The following SMO variants were observed in gnomAD, a reference collection of about 807,000 sequenced individuals.
SMO encodes protein smoothened.
In SMO, 40 loss-of-function variants were observed where a neutral mutation model predicts 81.6. The ratio of observed to expected loss-of-function variants is 0.49; its 90% CI spans 0.38 to 0.64. The LOEUF (loss-of-function observed/expected upper bound fraction) is 0.64, where lower values mean the gene tolerates loss of function less well. SMO is among the 30% of genes least tolerant of loss of function. SMO has a pLI of 0.00. For synonymous variants in SMO, 434 were observed against 432.1 expected (o/e 1.00, Z -0.05); for missense variants, 916 against 1,061.1 (o/e 0.86, Z 1.90).
chr7:129,191,748 G>A (rs1297525396), intron 1 of SMO, among the ~76,000 whole-genome samples: 1 of 152,132 alleles, frequency 6.6e-6, no homozygotes, highest in Non-Finnish European at 1.5e-5. Flanking sequence ...AGGTGATCTA[G>A]GTTGTCTTCA....
Position 129,212,504 on chromosome 7 carries a change from C to A in SMO, c.*53C>A, listed in dbSNP as rs2150657556. The A allele has an allele frequency of 6.6e-7, 1 of 1,507,614 alleles. No individual in the cohort carries two copies. Among genetic ancestry groups the A allele is most frequent in the South Asian group, 1.2e-5 (1 of 82,878 alleles). The allele number at this position is 1,507,614 out of a possible 1,614,324, so 93.4% of individuals were successfully genotyped here. Reference sequence around the variant, plus strand: ...AAGAGAGGAACCAATACCTTCAAGGCTCTTCTTCCTCACCGAGCATGCTTC... The same window carrying A: ...AAGAGAGGAACCAATACCTTCAAGGATCTTCTTCCTCACCGAGCATGCTTC... On this transcript the variant is annotated 3_prime_UTR_variant, in exon 12 of 12. Coordinates refer to ENST00000249373, the MANE Select transcript of SMO (RefSeq NM_005631.5). This position sits in a 1 kb window ranked among gnomAD's most constrained non-coding sequence, Gnocchi z 5.0.
rs1265681786 is a variant in SMO at position 129,212,360 on chromosome 7, GGGC to G, written c.2274_2276del (p.Trp758_Ala759delinsCys). ...CCCAGTGCACCGGCCCCCGTGGCAT[GGGC>G]TCATGGCCGCCGACAGGGCCTGGGG... On this transcript the variant is annotated inframe_deletion, in exon 12 of 12. Coordinates refer to ENST00000249373, the MANE Select transcript of SMO (RefSeq NM_005631.5). This position sits in a 1 kb window ranked among gnomAD's most constrained non-coding sequence, Gnocchi z 5.0. 4.3e-6 allele frequency: 7 copies of G among 1,614,104 alleles called. No individual in the cohort carries two copies. The highest frequency in any genetic ancestry group is 3.3e-5 in the Admixed American group (2 of 60,036).
chr7:129,194,900 G>A (rs887442450), intron 1 of SMO, among the ~76,000 whole-genome samples: 1 of 151,978 alleles, frequency 6.6e-6, no homozygotes, highest in East Asian at 1.9e-4. Context: ...TCCTGCCTCC[G>A]CCTCCCAGGT....
rs1793808260 is a variant in SMO, at chr7:129,208,367, C to CTCA, written c.1265-391_1265-390insCAT. On this transcript the variant is annotated intron_variant, in intron 6 of 11. Coordinates refer to ENST00000249373, the MANE Select transcript of SMO (RefSeq NM_005631.5). This position sits in a 1 kb window ranked among gnomAD's most constrained non-coding sequence, Gnocchi z 5.2. Reference sequence around the variant, plus strand: ...TTGGGAGGCTGAGGCAGGAGAATTGCTTGAACCTGGGAGGCGGAGTTTACA... The same window carrying CTCA: ...TTGGGAGGCTGAGGCAGGAGAATTGCTCATTGAACCTGGGAGGCGGAGTTTACA... Among the ~76,000 whole-genome samples the CTCA allele has an allele frequency of 2.0e-5, 3 of 152,074 alleles. No homozygotes were observed. The highest frequency in any genetic ancestry group is 1.3e-4 in the Admixed American group (2 of 15,268).
intron 2 of SMO, among the ~76,000 whole-genome samples, chr7:129,203,797 C>T (rs141805188): frequency 6.6e-6 from 1 of 152,118 alleles, no homozygotes; most frequent in Non-Finnish European, 1.5e-5. Context: ...TATCAATGAT[C>T]ACATGTTCAG....
Position 129,210,128 on chromosome 7 carries a change from A to C in SMO, c.1467-235A>C, listed in dbSNP as rs1793845044. The stretch of plus-strand genomic sequence containing the variant: ...AGTGCTGTGGAGCTTAGCCCTTTCT[A>C]AAGTTTTTGGATTGATTGTCTGAGT... On this transcript the variant is annotated intron_variant, in intron 8 of 11. Transcript: ENST00000249373. The surrounding 1 kb of genome is among the most constrained non-coding windows in gnomAD (Gnocchi z 4.7). 2 of 462,328 alleles carry C rather than the reference A, an allele frequency of 4.3e-6. No homozygotes were observed. The allele number at this position is 462,328 out of a possible 1,614,324, so 28.6% of individuals were successfully genotyped here.
intron 8 of SMO, chr7:129,209,633 C>T (rs1181518327): frequency 2.0e-6 from 1 of 508,010 alleles, no homozygotes; most frequent in Non-Finnish European, 3.6e-6. Context: ...GGTTGCCCAG[C>T]TGGTGCATGT....
chr7:129,191,690 G>A (rs565101086), intron 1 of SMO, among the ~76,000 whole-genome samples: 5 of 152,184 alleles, frequency 3.3e-5, no homozygotes, highest in African/African-American at 1.2e-4. Flanking sequence ...CATTAGACAG[G>A]GTCAGTGTTA....
Position 129,212,130 on chromosome 7 carries a change from G to A in SMO, c.2043G>A (p.Glu681=), listed in dbSNP as rs1162220939. ...RKKKRRKRKK[E]VCPLAPPPEL... The stretch of plus-strand genomic sequence containing the variant: ...AGAAGAGGAGGAAGAGGAAGAAGGA[G>A]GTGTGCCCGCTGGCGCCGCCCCCTG... The change falls in exon 12 of 12, where the codon GAG becomes GAA. Residue 681 remains glutamate, a synonymous_variant. Coordinates refer to ENST00000249373, the MANE Select transcript of SMO (RefSeq NM_005631.5). This position sits in a 1 kb window ranked among gnomAD's most constrained non-coding sequence, Gnocchi z 5.0. 6.4e-7 allele frequency: 1 copy of A among 1,564,456 alleles called. No homozygotes were observed. Among genetic ancestry groups the A allele is most frequent in the Admixed American group, 1.9e-5 (1 of 52,820 alleles).
chr7:129,199,667 C>CTGAA (rs1793639796), intron 1 of SMO, among the ~76,000 whole-genome samples: 1 of 151,936 alleles, frequency 6.6e-6, no homozygotes, highest in South Asian at 2.1e-4. Context: ...ACCTGGGGAG[C>CTGAA]TGAAGGCTGC....
chr7:129,211,948 TA>T lies in SMO; in HGVS notation c.1937-74del. 6.9e-7 allele frequency: 1 copy of T among 1,453,220 alleles called. No homozygotes were observed. The highest frequency in any genetic ancestry group is 9.2e-7 in the Non-Finnish European group (1 of 1,083,376). 90.0% of individuals were successfully genotyped at this position (1,453,220 alleles called of 1,614,324 possible). On this transcript the variant is annotated intron_variant, in intron 11 of 11. Coordinates refer to ENST00000249373, the MANE Select transcript of SMO (RefSeq NM_005631.5). The surrounding 1 kb of genome is among the most constrained non-coding windows in gnomAD (Gnocchi z 4.6). ...GACCTGGGCCCCAGAACTAACAGGT[TA>T]AGTGCTCCCAGGGGAGCGGGGGTGG...
At chr7:129,196,832 A>G (rs1793588422) in intron 1 of SMO, among the ~76,000 whole-genome samples, 1 of 152,096 alleles carries the variant, frequency 6.6e-6, no homozygotes, top group Admixed American at 6.6e-5. Context: ...CCTGGCTAAC[A>G]TGGTGAAACT....
At chr7:129,203,347 G>C in intron 1 of SMO, 37 bp from the exon 2 acceptor site, 2 of 1,469,772 alleles carry the variant, frequency 1.4e-6, no homozygotes, top group Non-Finnish European at 1.9e-6. Flanking sequence ...GTCAGAGTGA[G>C]GAGGGGCCTT....
chr7:129,199,633 G>T (rs1214329065), intron 1 of SMO, among the ~76,000 whole-genome samples: 1 of 152,148 alleles, frequency 6.6e-6, no homozygotes, highest in Non-Finnish European at 1.5e-5. Flanking sequence ...CTACTCAGGA[G>T]GTTGAGGTGG....
intron 1 of SMO, among the ~76,000 whole-genome samples, chr7:129,198,911 C>A (rs1311629970): frequency 6.6e-6 from 1 of 152,168 alleles, no homozygotes; most frequent in Non-Finnish European, 1.5e-5. Flanking sequence ...GAATAGTGTT[C>A]TATTATAATG....
At chr7:129,195,995 G>A (rs1471222973) in intron 1 of SMO, among the ~76,000 whole-genome samples, 2 of 151,706 alleles carry the variant, frequency 1.3e-5, no homozygotes, top group South Asian at 2.1e-4. Context: ...CAGCTACTCG[G>A]GAGGCTGAGG....
In SMO at chr7:129,213,400, G is replaced by A. The variant is rs1328307019; in HGVS notation, c.*949G>A. On this transcript the variant is annotated 3_prime_UTR_variant, in exon 12 of 12. Coordinates refer to ENST00000249373, the MANE Select transcript of SMO (RefSeq NM_005631.5). ...CTTCCTTCAACCTGCATAGCCGGTG[G>A]GTGAGGAGATTCCCACCTTCCATAG... 4.3e-6 allele frequency: 1 copy of A among 233,218 alleles called. No homozygotes were observed. Among genetic ancestry groups the A allele is most frequent in the Non-Finnish European group, 8.5e-6 (1 of 117,848 alleles). 14.4% of individuals were successfully genotyped at this position (233,218 alleles called of 1,614,324 possible). A position where few individuals can be genotyped will look rare whatever the true frequency, so the allele number is the denominator to read the frequency against.
At chr7:129,198,575 T>A (rs1217776908) in intron 1 of SMO, among the ~76,000 whole-genome samples, 1 of 152,246 alleles carries the variant, frequency 6.6e-6, no homozygotes, top group Non-Finnish European at 1.5e-5. Context: ...AGATTTTGGT[T>A]AACAATGGAC....
chr7:129,197,446 T>C (rs79442559), intron 1 of SMO, among the ~76,000 whole-genome samples: 1 of 152,180 alleles, frequency 6.6e-6, no homozygotes, highest in Admixed American at 6.5e-5. Flanking sequence ...CTTTTTTTTT[T>C]GGAGACGAAG....
Sources: gnomAD v4.1 joint callset for allele counts (sites outside exome capture counted in the v4.1 genomes callset) on GRCh38, gnomAD v4.1.1 for gene constraint, Gnocchi (gnomAD v3.1) non-coding constraint, MANE v1.5 for transcripts, NCBI Gene and HGNC (gene_info 2026-07-23, HGNC 2026-07-21) for gene names.